KLHL13: variants seen among roughly 807,000 people sequenced by gnomAD.
KLHL13 encodes the protein kelch like family member 13.
A neutral mutation model predicts 37.1 loss-of-function variants in KLHL13; 10 were observed. The observed-to-expected ratio is 0.27, with a 90% confidence interval of 0.17 to 0.46. The LOEUF is 0.46. KLHL13 is among the 20% of genes least tolerant of loss of function. The pLI is 1.00. For synonymous variants in KLHL13, 163 were observed against 181.2 expected (o/e 0.90, Z 0.81); for missense variants, 360 against 509.3 (o/e 0.71, Z 2.82).
Position 118,020,539 on chromosome X carries a change from T to C in KLHL13, c.-55-74964A>G, listed in dbSNP as rs757863398. Among the ~76,000 whole-genome samples the C allele has an allele frequency of 2.7e-5, 3 of 110,975 alleles. No individual in the cohort carries two copies. The South Asian group carries it at 1.2e-3, about 43-fold the overall frequency. On this transcript the variant is annotated intron_variant, in intron 1 of 6. Coordinates refer to the KLHL13 transcript ENST00000371882. ...AGAAATAGGAACACTTTTACACTGTTGGTGGGACTGTAAACTAGTTCAACC... is the reference window on the plus strand; with the variant it reads ...AGAAATAGGAACACTTTTACACTGTCGGTGGGACTGTAAACTAGTTCAACC...
intron 1 of KLHL13, among the ~76,000 whole-genome samples, chrX:118,072,754 G>T (rs1162669162): frequency 8.9e-6 from 1 of 111,979 alleles, no homozygotes; most frequent in Non-Finnish European, 1.9e-5. Flanking sequence ...CAAAAGTTTA[G>T]AATTGTTTTC....
intron 1 of KLHL13, among the ~76,000 whole-genome samples, chrX:118,031,664 TA>T (rs1286447034): frequency 9.9e-6 from 1 of 101,140 alleles, no homozygotes; most frequent in African/African-American, 3.6e-5. Context: ...TAGTTATATA[TA>T]ATATATATAA....
intron 1 of KLHL13, chrX:117,947,588 G>C (rs1475619260): frequency 1.8e-5 from 2 of 112,205 alleles, no homozygotes; most frequent in East Asian, 5.6e-4. Context: ...AAAGCAAAAA[G>C]TGAAAATGCA....
exon 7 of KLHL13, chrX:117,899,333 A>T: frequency 8.3e-7 from 1 of 1,210,571 alleles, no homozygotes; most frequent in Non-Finnish European, 1.1e-6. Context: ...TTCTGGATCC[A>T]TTTGTCAGTA....
chrX:117,957,148 T>G (rs2053217704), intron 1 of KLHL13, among the ~76,000 whole-genome samples: 1 of 111,770 alleles, frequency 8.9e-6, no homozygotes, highest in Admixed American at 9.6e-5. Flanking sequence ...TCTAGAATGC[T>G]CCTATCCTTC....
In KLHL13 at chrX:118,068,977, C is replaced by T. The variant is rs1279653981; in HGVS notation, c.-56+47531G>A. ...CTGGGGAACCCATACTTTGGCAGAACAGCTCCATCTTCTCCCAGCCATGCC... is the reference window on the plus strand; with the variant it reads ...CTGGGGAACCCATACTTTGGCAGAATAGCTCCATCTTCTCCCAGCCATGCC... On this transcript the variant is annotated intron_variant, in intron 1 of 6. Coordinates refer to the KLHL13 transcript ENST00000371882. Among the ~76,000 whole-genome samples the T allele has an allele frequency of 5.4e-5, 6 of 110,686 alleles. No homozygotes were observed. The East Asian group carries it at 1.7e-3, about 32-fold the overall frequency.
intron 1 of KLHL13, among the ~76,000 whole-genome samples, chrX:118,007,694 C>A (rs150647950): frequency 0.054 from 5,975 of 111,051 alleles, 400 homozygotes; most frequent in African/African-American, 0.18. Flanking sequence ...TCTTTACCTT[C>A]AGGATCATGC....
chrX:118,005,432 C>T (rs2053971211), intron 1 of KLHL13, among the ~76,000 whole-genome samples: 1 of 111,441 alleles, frequency 9.0e-6, no homozygotes, highest in Admixed American at 9.6e-5. Flanking sequence ...TAATGGGTCC[C>T]CAAAGATGTC....
chrX:118,022,281 A>G (rs1030260763), intron 1 of KLHL13, among the ~76,000 whole-genome samples: 31 of 111,981 alleles, frequency 2.8e-4, no homozygotes, highest in African/African-American at 9.4e-4. Context: ...GCTATTGTGT[A>G]TAATGTTGCA....
intron 1 of KLHL13, among the ~76,000 whole-genome samples, chrX:118,057,812 C>T (rs2054701402): frequency 9.3e-6 from 1 of 107,036 alleles, no homozygotes; most frequent in Non-Finnish European, 1.9e-5. Context: ...GGCAACAGAG[C>T]GAGAGTCCAT....
At chrX:118,074,609 C>T (rs1197075459) in intron 1 of KLHL13, among the ~76,000 whole-genome samples, 4 of 111,518 alleles carry the variant, frequency 3.6e-5, no homozygotes, top group East Asian at 2.8e-4. Context: ...TTTCCACTGG[C>T]GATTTTGTAA....
intron 1 of KLHL13, among the ~76,000 whole-genome samples, chrX:117,957,987 T>C (rs780579090): frequency 8.9e-6 from 1 of 112,026 alleles, no homozygotes; most frequent in African/African-American, 3.2e-5. Context: ...CTAAAGTATT[T>C]TGGTCACTAG....
chrX:118,026,026 A>G (rs2054271530), intron 1 of KLHL13, among the ~76,000 whole-genome samples: 1 of 111,813 alleles, frequency 8.9e-6, no homozygotes, highest in South Asian at 3.8e-4. Context: ...TGTATCCTGC[A>G]TGGATAAAGG....
intron 1 of KLHL13, among the ~76,000 whole-genome samples, chrX:118,028,169 T>A (rs2054294759): frequency 8.9e-6 from 1 of 111,830 alleles, no homozygotes; most frequent in African/African-American, 3.2e-5. Flanking sequence ...CTCCACTGAT[T>A]GTATTCCAGG....
chrX:117,913,710 G>T lies in KLHL13; in HGVS notation c.571-3614C>A, dbSNP rs141279565. Among the ~76,000 whole-genome samples, 249 of 110,628 alleles carry T rather than the reference G, an allele frequency of 2.3e-3. 1 individual carries two copies. The highest frequency in any genetic ancestry group is 7.7e-3 in the African/African-American group (235 of 30,469). ...ATACAAAAATTAGCCGGACGTGGTG[G>T]CACACGCCTGTATTCCCAGCTACCT... On this transcript the variant is annotated intron_variant, in intron 4 of 6. Transcript: ENST00000262820.
chrX:117,986,012 G>C (rs1444814575), intron 1 of KLHL13, among the ~76,000 whole-genome samples: 1 of 111,427 alleles, frequency 9.0e-6, no homozygotes, highest in African/African-American at 3.3e-5. Flanking sequence ...TTTACAGTAA[G>C]TATGTATTTA....
chrX:118,105,984 C>T (rs1476569796), intron 1 of KLHL13, among the ~76,000 whole-genome samples: 1 of 98,920 alleles, frequency 1.0e-5, no homozygotes, highest in East Asian at 3.1e-4. Context: ...TTACTGCAAG[C>T]TCCACCTCCC....
chrX:118,036,754 C>A (rs182136837), intron 1 of KLHL13, among the ~76,000 whole-genome samples: 16,412 of 109,872 alleles, frequency 0.15, 1,787 homozygotes, highest in African/African-American at 0.36. Flanking sequence ...GGATCTAATT[C>A]AACTAAAGAA....
chrX:118,058,457 T>TC (rs1239997246), intron 1 of KLHL13, among the ~76,000 whole-genome samples: 4 of 111,756 alleles, frequency 3.6e-5, no homozygotes, highest in Non-Finnish European at 7.5e-5. Flanking sequence ...TTCATAGTTC[T>TC]CCACTCTTAA....
Sources: allele counts gnomAD v4.1 joint callset (sites outside exome capture counted in the v4.1 genomes callset), GRCh38; gene constraint gnomAD v4.1.1; transcripts MANE v1.5; gene names NCBI Gene and HGNC (gene_info 2026-07-23, HGNC 2026-07-21).